Variants in MANEA observed in about 807,000 individuals in gnomAD.
MANEA encodes mannosidase endo-alpha, also known as glycoprotein endo-alpha-1,2-mannosidase.
A neutral mutation model predicts 36.8 loss-of-function variants in MANEA; 25 were observed. The observed-to-expected ratio is 0.68, with a 90% CI of 0.50 to 0.95. The LOEUF (loss-of-function observed/expected upper bound fraction) is 0.95. Ranked by LOEUF, MANEA falls within the 40% of genes least tolerant of loss-of-function variation. The pLI is 0.00. For missense variants in MANEA, 565 were observed against 558.8 expected, an observed-to-expected ratio of 1.01 and a Z score of -0.11; for synonymous variants, 198 against 188.5, an observed-to-expected ratio of 1.05 and a Z score of -0.41.
At chr6:95,594,298 G>C (rs1007863332) in intron 2 of MANEA, among the ~76,000 whole-genome samples, 2 of 152,160 alleles carry the variant, frequency 1.3e-5, no homozygotes, top group African/African-American at 4.8e-5. Context: ...GAAGCAAGAA[G>C]TTAACTTGCC....
At position 95,601,716 on chromosome 6, in the gene MANEA, ATTTTTTTTTTTTT is replaced by A. The variant is rs67335804; in HGVS notation, c.655-3095_655-3083del. On this transcript the variant is annotated intron_variant, in intron 3 of 4. Transcript: ENST00000358812. ...AAAAGAAAATTAGGCAGATTCAGTG[ATTTTTTTTTTTTT>A]TTTTTTTTTTTTTTTGCTTAGGATT... is the stretch of plus-strand genomic sequence containing the variant. 2.5e-4 allele frequency among the ~76,000 whole-genome samples: 16 copies of A among 64,992 alleles called. 2 individuals are homozygous for A. Among genetic ancestry groups the A allele is most frequent in the African/African-American group, 5.1e-4 (8 of 15,770 alleles). The allele number at this position is 64,992 out of a possible 152,430, so 42.6% of individuals were successfully genotyped here.
At chr6:95,580,046 G>A (rs1208413761) in intron 1 of MANEA, among the ~76,000 whole-genome samples, 1 of 152,064 alleles carries the variant, frequency 6.6e-6, no homozygotes, top group Non-Finnish European at 1.5e-5. Flanking sequence ...GACATTTTAG[G>A]CATCTCAAGG....
chr6:95,599,418 A>C (rs1306409012), intron 3 of MANEA, among the ~76,000 whole-genome samples: 2 of 24,030 alleles, frequency 8.3e-5, no homozygotes, highest in Non-Finnish European at 1.7e-4. Context: ...GTCTATCTCA[A>C]AAAAAAAAAA....
Position 95,583,294 on chromosome 6 carries a change from G to A in MANEA, c.-38-3108G>A, listed in dbSNP as rs188420961. Among the ~76,000 whole-genome samples the A allele has an allele frequency of 2.7e-3, 416 of 152,014 alleles. 2 individuals carry two copies. Among genetic ancestry groups the A allele is most frequent in the Non-Finnish European group, 5.1e-3 (349 of 67,976 alleles). On this transcript the variant is annotated intron_variant, in intron 1 of 4. Transcript: ENST00000358812. Reference sequence around the variant, plus strand: ...TTTAGTAATTAATATTGTTTCCCAAGAGTTTTATAAATTTAAATACATTTA... The same window carrying A: ...TTTAGTAATTAATATTGTTTCCCAAAAGTTTTATAAATTTAAATACATTTA...
intron 2 of MANEA, among the ~76,000 whole-genome samples, chr6:95,593,786 G>A (rs774735867): frequency 1.3e-5 from 2 of 152,052 alleles, no homozygotes; most frequent in African/African-American, 2.4e-5. Context: ...GGTGGCTCAC[G>A]CCTGTAATCC....
At chr6:95,582,554 T>C (rs995649804) in intron 1 of MANEA, among the ~76,000 whole-genome samples, 10 of 152,166 alleles carry the variant, frequency 6.6e-5, no homozygotes, top group Middle Eastern at 3.2e-3. Context: ...CACAGAGTCA[T>C]GTAGTGCAGG....
At chr6:95,579,179 G>T (rs1046972131) in intron 1 of MANEA, among the ~76,000 whole-genome samples, 1 of 152,114 alleles carries the variant, frequency 6.6e-6, no homozygotes, top group Admixed American at 6.6e-5. Flanking sequence ...GACCATCCTG[G>T]CCAACCAACA....
chr6:95,604,477 CA>C (rs1750873029), intron 3 of MANEA, among the ~76,000 whole-genome samples: 1 of 151,848 alleles, frequency 6.6e-6, no homozygotes. Flanking sequence ...AGCAGTTAAG[CA>C]TTTGAACTCG....
At chr6:95,603,507 A>G (rs4424094) in intron 3 of MANEA, among the ~76,000 whole-genome samples, 90,707 of 151,918 alleles carry the variant, frequency 0.6, 27,504 homozygotes, top group East Asian at 0.87. Flanking sequence ...ACTTACTTTT[A>G]TAATATTACT....
At chr6:95,586,041 A>T (rs1769274113) in intron 1 of MANEA, among the ~76,000 whole-genome samples, 2 of 152,204 alleles carry the variant, frequency 1.3e-5, no homozygotes, top group Admixed American at 1.3e-4. Flanking sequence ...TTTAGTTCAC[A>T]TACATAGAAT....
chr6:95,596,915 T>C, intron 3 of MANEA, 69 bp downstream of exon 3: 1 of 663,076 alleles, frequency 1.5e-6, no homozygotes, highest in Non-Finnish European at 2.6e-6. Flanking sequence ...AATAACAATT[T>C]TTGAAATAGT....
chr6:95,604,626 A>G (rs988132031), intron 3 of MANEA, among the ~76,000 whole-genome samples: 1 of 152,026 alleles, frequency 6.6e-6, no homozygotes, highest in African/African-American at 2.4e-5. Flanking sequence ...AAGATTAACC[A>G]AGATAATAAT....
At position 95,586,413 on chromosome 6, in the gene MANEA, C is replaced by T; in HGVS notation, c.-27C>T. The stretch of plus-strand genomic sequence containing the variant: ...TCAATAAATTGCAGCAAAACACTTA[C>T]TATTTTGGAGTTTAAAGTATGTCAT... On this transcript the variant is annotated 5_prime_UTR_variant, in exon 2 of 5. Transcript: ENST00000358812. The T allele has an allele frequency of 6.4e-7, 1 of 1,558,160 alleles. No homozygotes were observed. The highest frequency in any genetic ancestry group is 8.7e-7 in the Non-Finnish European group (1 of 1,148,558).
intron 3 of MANEA, among the ~76,000 whole-genome samples, chr6:95,603,682 A>T (rs191953654): frequency 6.6e-6 from 1 of 152,208 alleles, no homozygotes; most frequent in African/African-American, 2.4e-5. Flanking sequence ...CTCTAGTTCC[A>T]TAAATACATC....
intron 1 of MANEA, among the ~76,000 whole-genome samples, chr6:95,582,480 G>C (rs1193765030): frequency 6.6e-6 from 1 of 152,152 alleles, no homozygotes; most frequent in Non-Finnish European, 1.5e-5. Flanking sequence ...ACCACGCCCA[G>C]CCCATCCTTT....
intron 1 of MANEA, among the ~76,000 whole-genome samples, chr6:95,585,620 A>G (rs886923084): frequency 6.6e-6 from 1 of 152,184 alleles, no homozygotes; most frequent in South Asian, 2.1e-4. Flanking sequence ...CAGCCTAATG[A>G]ATTTTTTGAA....
chr6:95,600,835 T>C lies in MANEA; in HGVS notation c.654+3989T>C, dbSNP rs190748170. Among the ~76,000 whole-genome samples the C allele has an allele frequency of 3.7e-3, 567 of 152,358 alleles. 6 individuals are homozygous for C. Among genetic ancestry groups the C allele is most frequent in the African/African-American group, 0.013 (553 of 41,584 alleles). Reference sequence around the variant, plus strand: ...TTTAGGGAATGAATCCGTCTCACAGTTAAACTTTTGTTATAGTTCATTCAT... The same window carrying C: ...TTTAGGGAATGAATCCGTCTCACAGCTAAACTTTTGTTATAGTTCATTCAT... On this transcript the variant is annotated intron_variant, in intron 3 of 4. Coordinates refer to ENST00000358812, the MANE Select transcript of MANEA (RefSeq NM_024641.4).
At chr6:95,585,901 A>G (rs2127938996) in intron 1 of MANEA, among the ~76,000 whole-genome samples, 1 of 152,184 alleles carries the variant, frequency 6.6e-6, no homozygotes, top group East Asian at 1.9e-4. Flanking sequence ...GGTGACTCAT[A>G]CCTGTAATCC....
intron 3 of MANEA, among the ~76,000 whole-genome samples, chr6:95,600,267 C>G (rs1050655243): frequency 6.6e-6 from 1 of 151,972 alleles, no homozygotes; most frequent in Admixed American, 6.6e-5. Context: ...CTAATGTTTT[C>G]CAAAATTTTT....
Sources: gnomAD v4.1 joint callset for allele counts (sites outside exome capture counted in the v4.1 genomes callset) on GRCh38, gnomAD v4.1.1 for gene constraint, MANE v1.5 for transcripts, NCBI Gene and HGNC (gene_info 2026-07-23, HGNC 2026-07-21) for gene names.